EPB41L4A: variants seen among roughly 807,000 people sequenced by gnomAD.
EPB41L4A encodes band 4.1-like protein 4A.
EPB41L4A carries 100 observed loss-of-function variants against 108.6 expected under a neutral mutation model. The observed-to-expected ratio is 0.92, with a 90% CI of 0.78 to 1.09. EPB41L4A has a LOEUF of 1.09. Among genes scored for constraint, EPB41L4A ranks in the 50% least tolerant of loss-of-function variants. The pLI is 0.00. For synonymous variants in EPB41L4A, 319 were observed against 289.0 expected (o/e 1.10, Z -1.05); for missense variants, 1,030 against 842.7 (o/e 1.22, Z -2.75).
rs1580549334 is a variant in EPB41L4A at position 112,259,502 on chromosome 5, T to C, written c.732-210A>G. ...CTATGCTTCTCCACTAAATGCACAATGACCTTAGAATCCCTAGATTGTGGC... is the reference window on the plus strand; with the variant it reads ...CTATGCTTCTCCACTAAATGCACAACGACCTTAGAATCCCTAGATTGTGGC... On this transcript the variant is annotated intron_variant, in intron 8 of 22. Transcript: ENST00000261486. Among the ~76,000 whole-genome samples the C allele has an allele frequency of 2.0e-5, 3 of 152,210 alleles. No homozygotes were observed. The South Asian group carries it at 6.2e-4, about 32-fold the overall frequency.
intron 1 of EPB41L4A, among the ~76,000 whole-genome samples, chr5:112,313,834 A>T (rs1755210303): frequency 6.8e-6 from 1 of 148,106 alleles, no homozygotes; most frequent in Non-Finnish European, 1.5e-5. Flanking sequence ...ATACTCCCCA[A>T]CCGCTCCAAA....
chr5:112,245,730 A>T (rs898143121), intron 9 of EPB41L4A, among the ~76,000 whole-genome samples: 1 of 152,188 alleles, frequency 6.6e-6, no homozygotes, highest in South Asian at 2.1e-4. Flanking sequence ...AGCCAGAGAG[A>T]GGGCACATCT....
chr5:112,184,368 G>A (rs1041398941), intron 17 of EPB41L4A, among the ~76,000 whole-genome samples: 4 of 152,080 alleles, frequency 2.6e-5, no homozygotes, highest in African/African-American at 7.2e-5. Context: ...GCAGACTTCT[G>A]ATTTTAATTT....
At chr5:112,176,574 A>G (rs747144493) in intron 18 of EPB41L4A, among the ~76,000 whole-genome samples, 4 of 151,786 alleles carry the variant, frequency 2.6e-5, no homozygotes, top group Non-Finnish European at 5.9e-5. Flanking sequence ...TCACACTACA[A>G]ATCTGTCAGC....
At chr5:112,157,017 A>C (rs188416940) in intron 12 of EPB41L4A, among the ~76,000 whole-genome samples, 1 of 152,318 alleles carries the variant, frequency 6.6e-6, no homozygotes, top group Non-Finnish European at 1.5e-5. Context: ...GTGGGAGGGC[A>C]GGGTATTTGC....
chr5:112,388,269 G>C (rs778824969), intron 1 of EPB41L4A, among the ~76,000 whole-genome samples: 1 of 152,182 alleles, frequency 6.6e-6, no homozygotes, highest in Non-Finnish European at 1.5e-5. Flanking sequence ...ATGCAAAGCT[G>C]ATGCCAGCCA....
In EPB41L4A at chr5:112,268,842, C is replaced by CAAAAA. The variant is rs34983995; in HGVS notation, c.336-2517_336-2513dup. ...TGGGCAACAGAATAAGACCTTCTCT[C>CAAAAA]AAAAAAAAAAAAAAAAAAAAAAAAG... is the stretch of plus-strand genomic sequence containing the variant. On this transcript the variant is annotated intron_variant, in intron 4 of 22. Transcript: ENST00000261486. Among the ~76,000 whole-genome samples the CAAAAA allele has an allele frequency of 8.7e-3, 486 of 55,816 alleles. 12 individuals carry two copies. Among genetic ancestry groups the CAAAAA allele is most frequent in the Middle Eastern group, 0.032 (2 of 62 alleles). The allele number at this position is 55,816 out of a possible 152,430, so 36.6% of individuals were successfully genotyped here.
At chr5:112,396,969 G>A (rs1761395976) in intron 1 of EPB41L4A, among the ~76,000 whole-genome samples, 1 of 152,122 alleles carries the variant, frequency 6.6e-6, no homozygotes, top group African/African-American at 2.4e-5. Context: ...GTAGGTACAT[G>A]TGCATGTTTG....
intron 1 of EPB41L4A, among the ~76,000 whole-genome samples, chr5:112,327,621 T>A (rs1756260200): frequency 6.6e-6 from 1 of 151,984 alleles, no homozygotes; most frequent in African/African-American, 2.4e-5. Flanking sequence ...GAGGCTGGGT[T>A]GGGAAGATAA....
chr5:112,272,093 T>G (rs1467394514), intron 4 of EPB41L4A, among the ~76,000 whole-genome samples: 2 of 151,972 alleles, frequency 1.3e-5, no homozygotes, highest in Admixed American at 1.3e-4. Flanking sequence ...ATATTAATAG[T>G]ATGACCATAT....
At chr5:112,186,332 T>C (rs968826128) in intron 17 of EPB41L4A, among the ~76,000 whole-genome samples, 5 of 152,176 alleles carry the variant, frequency 3.3e-5, no homozygotes, top group African/African-American at 1.2e-4. Context: ...TGTATGTTCA[T>C]TCTCATCTAT....
intron 7 of EPB41L4A, among the ~76,000 whole-genome samples, chr5:112,261,440 C>T (rs1270641449): frequency 6.6e-6 from 1 of 152,194 alleles, no homozygotes; most frequent in Non-Finnish European, 1.5e-5. Flanking sequence ...TCCAGCAATT[C>T]ATTTCCTATA....
At chr5:112,354,118 TAGTA>T (rs1310916104) in intron 1 of EPB41L4A, among the ~76,000 whole-genome samples, 10 of 152,224 alleles carry the variant, frequency 6.6e-5, no homozygotes, top group Non-Finnish European at 1.0e-4. Flanking sequence ...AAAACAAAGA[TAGTA>T]AGAGTACTAA....
chr5:112,232,236 T>C (rs998241041), intron 12 of EPB41L4A, among the ~76,000 whole-genome samples: 1 of 152,118 alleles, frequency 6.6e-6, no homozygotes, highest in East Asian at 1.9e-4. Context: ...TAGACATCCT[T>C]TGTCCTCTGA....
intron 1 of EPB41L4A, among the ~76,000 whole-genome samples, chr5:112,336,404 G>A (rs964240334): frequency 6.6e-6 from 1 of 152,158 alleles, no homozygotes; most frequent in East Asian, 1.9e-4. Flanking sequence ...TATGAAATAG[G>A]AGGCCTGTGG....
At chr5:112,176,299 T>C (rs1001209273) in intron 18 of EPB41L4A, among the ~76,000 whole-genome samples, 2 of 152,198 alleles carry the variant, frequency 1.3e-5, no homozygotes, top group Non-Finnish European at 2.9e-5. Context: ...CTCAGGCTTT[T>C]AACAGTCATA....
intron 12 of EPB41L4A, among the ~76,000 whole-genome samples, chr5:112,147,367 C>T (rs892857575): frequency 6.6e-6 from 1 of 152,092 alleles, no homozygotes; most frequent in African/African-American, 2.4e-5. Context: ...GAGCCGGGTG[C>T]GGTGACTCAC....
intron 1 of EPB41L4A, among the ~76,000 whole-genome samples, chr5:112,346,398 A>G (rs189538378): frequency 6.6e-6 from 1 of 151,228 alleles, no homozygotes; most frequent in Non-Finnish European, 1.5e-5. Flanking sequence ...TAATTTTTGT[A>G]TTTTTAGTAG....
intron 8 of EPB41L4A, among the ~76,000 whole-genome samples, 198 bp downstream of exon 8, chr5:112,259,693 C>T (rs1751358066): frequency 6.6e-6 from 1 of 152,200 alleles, no homozygotes; most frequent in Non-Finnish European, 1.5e-5. Context: ...AAAAGAGAGT[C>T]TAGAATCACA....
Sources: gnomAD v4.1 joint callset for allele counts (sites outside exome capture counted in the v4.1 genomes callset) on GRCh38, gnomAD v4.1.1 for gene constraint, MANE v1.5 for transcripts, NCBI Gene and HGNC (gene_info 2026-07-23, HGNC 2026-07-21) for gene names.